DCX: variants seen among roughly 807,000 people sequenced by gnomAD.
The protein encoded by DCX is doublecortin, also known as neuronal migration protein doublecortin.
In DCX, 4 loss-of-function variants were observed where a neutral mutation model predicts 20.9. The ratio of observed to expected loss-of-function variants is 0.19; its 90% confidence interval spans 0.09 to 0.44. The LOEUF is 0.44. Ranked by LOEUF, DCX falls within the 20% of genes least tolerant of loss-of-function variation. The pLI is 0.99. For missense variants in DCX, 133 were observed against 296.9 expected, an observed-to-expected ratio of 0.45 and a Z score of 4.06; for synonymous variants, 103 against 111.4, an observed-to-expected ratio of 0.92 and a Z score of 0.47.
chrX:111,390,523 T>C (rs1390829670), intron 3 of DCX, among the ~76,000 whole-genome samples: 2 of 112,042 alleles, frequency 1.8e-5, no homozygotes, highest in African/African-American at 6.5e-5. Flanking sequence ...AAATATTTCT[T>C]GGCTTTGTTT....
intron 3 of DCX, among the ~76,000 whole-genome samples, chrX:111,337,273 G>T: frequency 9.0e-6 from 1 of 111,307 alleles, no homozygotes; most frequent in East Asian, 2.8e-4. Context: ...TTTAAGTCAG[G>T]GAAGAGAACA....
intron 3 of DCX, among the ~76,000 whole-genome samples, chrX:111,348,329 T>C (rs995713121): frequency 8.9e-6 from 1 of 112,160 alleles, no homozygotes; most frequent in Non-Finnish European, 1.9e-5. Context: ...AATAAGACTT[T>C]CTACCCTATT....
chrX:111,339,627 C>T (rs1242790996), intron 3 of DCX, among the ~76,000 whole-genome samples: 1 of 112,018 alleles, frequency 8.9e-6, no homozygotes, highest in East Asian at 2.8e-4. Flanking sequence ...AACTAAGACA[C>T]ATGCCATATA....
intron 3 of DCX, among the ~76,000 whole-genome samples, chrX:111,375,998 T>C (rs2147718641): frequency 8.9e-6 from 1 of 112,419 alleles, no homozygotes; most frequent in East Asian, 2.8e-4. Flanking sequence ...TGAGGTTTAT[T>C]AGCTCCCTAA....
chrX:111,396,475 G>A (rs2147255988), intron 3 of DCX, among the ~76,000 whole-genome samples: 1 of 111,824 alleles, frequency 8.9e-6, no homozygotes, highest in South Asian at 3.8e-4. Flanking sequence ...GCATGAAAAT[G>A]GATGTTGTGA....
chrX:111,409,342 T>C lies in DCX; in HGVS notation c.364+693A>G, dbSNP rs776088716. 2.2e-3 allele frequency among the ~76,000 whole-genome samples: 242 copies of C among 111,426 alleles called. 1 individual carries two copies. The highest frequency in any genetic ancestry group is 3.3e-3 in the Non-Finnish European group (175 of 53,036). ...TTTTTGGCAATCTACTCAGAAAATT[T>C]AGTTGCCACACAAAAATCTATAGAG... On this transcript the variant is annotated intron_variant, in intron 2 of 6. Coordinates refer to ENST00000636035, the MANE Select transcript of DCX (RefSeq NM_001195553.2).
In DCX at chrX:111,402,457, G is replaced by T. The variant is rs1008051313; in HGVS notation, c.365-1127C>A. ...TAGAAGTTCATTGAGAGGTTGAGCT[G>T]CAGAAACAGTGTGATTTAATCAGGC... On this transcript the variant is annotated intron_variant, in intron 2 of 6. Transcript: ENST00000636035. 1.1e-4 allele frequency among the ~76,000 whole-genome samples: 12 copies of T among 111,455 alleles called. 1 individual carries two copies. The highest frequency in any genetic ancestry group is 3.8e-4 in the Admixed American group (4 of 10,455).
At chrX:111,397,759 G>A (rs1376543860) in intron 3 of DCX, among the ~76,000 whole-genome samples, 1 of 107,860 alleles carries the variant, frequency 9.3e-6, no homozygotes. Flanking sequence ...CTCTGTGCAT[G>A]TGTGTGTGTG....
At chrX:111,380,987 G>T (rs1228346673) in intron 3 of DCX, among the ~76,000 whole-genome samples, 6 of 110,386 alleles carry the variant, frequency 5.4e-5, no homozygotes, top group African/African-American at 2.0e-4. Flanking sequence ...TAAGTGACTG[G>T]CATGGGTTGA....
intron 3 of DCX, among the ~76,000 whole-genome samples, chrX:111,391,001 TAAAA>T (rs56173739): frequency 6.1e-5 from 5 of 82,218 alleles, no homozygotes; most frequent in East Asian, 4.0e-4. Context: ...GATATCCTGC[TAAAA>T]AAAAAAAAAA....
At chrX:111,351,117 A>T (rs1203173619) in intron 3 of DCX, among the ~76,000 whole-genome samples, 4 of 111,966 alleles carry the variant, frequency 3.6e-5, no homozygotes, top group African/African-American at 9.7e-5. Flanking sequence ...ACACAGCCAA[A>T]CCATACCAGT....
chrX:111,361,397 A>G (rs1419605252), intron 3 of DCX, among the ~76,000 whole-genome samples: 1 of 112,157 alleles, frequency 8.9e-6, no homozygotes, highest in Non-Finnish European at 1.9e-5. Flanking sequence ...TTTGCATGGG[A>G]CATGAGACTG....
At chrX:111,342,776 A>G (rs1196549227) in intron 3 of DCX, among the ~76,000 whole-genome samples, 1 of 110,843 alleles carries the variant, frequency 9.0e-6, no homozygotes, top group African/African-American at 3.3e-5. Flanking sequence ...TCAAAACCAC[A>G]CAATTACATG....
intron 5 of DCX, among the ~76,000 whole-genome samples, chrX:111,321,225 C>T (rs1367148946): frequency 1.8e-5 from 2 of 111,913 alleles, no homozygotes; most frequent in Non-Finnish European, 3.8e-5. Flanking sequence ...CAATAGCAGA[C>T]AGAGCATTAG....
intron 6 of DCX, among the ~76,000 whole-genome samples, chrX:111,307,576 G>C (rs1284596983): frequency 9.0e-6 from 1 of 111,367 alleles, no homozygotes; most frequent in Non-Finnish European, 1.9e-5. Context: ...CTTGCTTCTA[G>C]ATCTTAAAAT....
At chrX:111,310,242 G>A (rs2095054480) in intron 6 of DCX, among the ~76,000 whole-genome samples, 1 of 111,629 alleles carries the variant, frequency 9.0e-6, no homozygotes, top group African/African-American at 3.3e-5. Flanking sequence ...TGAGGCAGGA[G>A]AATGGCTTGA....
At chrX:111,410,504 T>C in intron 1 of DCX, 84 bp from the exon 2 acceptor site, 1 of 1,135,554 alleles carries the variant, frequency 8.8e-7, no homozygotes, top group Non-Finnish European at 1.2e-6. Context: ...GGATTTTAAA[T>C]ATTAGCCAGA....
intron 2 of DCX, among the ~76,000 whole-genome samples, chrX:111,405,285 T>C (rs774265031): frequency 8.9e-6 from 1 of 112,706 alleles, no homozygotes; most frequent in Non-Finnish European, 1.9e-5. Flanking sequence ...GACACTTTAC[T>C]GTATTATATT....
chrX:111,351,453 G>T (rs966007340), intron 3 of DCX, among the ~76,000 whole-genome samples: 4 of 112,407 alleles, frequency 3.6e-5, no homozygotes, highest in Non-Finnish European at 7.5e-5. Context: ...AAAGTAAAAA[G>T]TATTTACACA....
Sources: gnomAD v4.1 joint callset for allele counts (sites outside exome capture counted in the v4.1 genomes callset) on GRCh38, gnomAD v4.1.1 for gene constraint, MANE v1.5 for transcripts, NCBI Gene and HGNC (gene_info 2026-07-23, HGNC 2026-07-21) for gene names.